Variants in THUMPD2 observed in about 807,000 individuals in gnomAD.
THUMPD2 encodes the protein THUMP domain 2 tRNA and snRNA guanosine methyltransferase.
A neutral mutation model predicts 49.4 loss-of-function variants in THUMPD2; 56 were observed. That is an observed-to-expected ratio of 1.13 (90% confidence interval 0.91 to 1.41). The LOEUF (loss-of-function observed/expected upper bound fraction) is 1.41, where lower values mean the gene tolerates loss of function less well. Ranked by LOEUF, THUMPD2 falls within the 40% of genes most tolerant of loss-of-function variation. THUMPD2 has a pLI of 0.00. For missense variants in THUMPD2, 709 were observed against 594.5 expected (o/e 1.19, Z -2.00); for synonymous variants, 237 against 205.2 (o/e 1.15, Z -1.32).
rs373613411 is a variant in THUMPD2, at chr2:39,737,032, T to C, written c.1215A>G (p.Val405=). ...ERVLHVGGTI[V]LLLSEDHHRR... ...TGTGGTGATCTTCACTAAGCAACAA[T>C]ACAATGGTTCCGCCAACATGAAGCA... is the stretch of plus-strand genomic sequence containing the variant. The change falls in exon 10 of 10, where the codon GTA becomes GTG. Residue 405 remains valine (V), a synonymous_variant. Transcript: ENST00000505747. 33 of 1,611,052 alleles carry C rather than the reference T, an allele frequency of 2.0e-5. No homozygotes were observed. Among genetic ancestry groups the C allele is most frequent in the Non-Finnish European group, 2.5e-5 (30 of 1,177,738 alleles).
intron 9 of THUMPD2, among the ~76,000 whole-genome samples, chr2:39,739,840 G>A (rs1471155065): frequency 6.6e-6 from 1 of 152,204 alleles, no homozygotes; most frequent in Admixed American, 6.5e-5. Context: ...ATGGGAAAAT[G>A]AGTACTCTTG....
rs754376544 is a variant in THUMPD2, at chr2:39,755,421, T to C, written c.964-12A>G. 1.4e-6 allele frequency: 2 copies of C among 1,475,386 alleles called. No individual in the cohort carries two copies. The highest frequency in any genetic ancestry group is 2.5e-5 in the South Asian group (2 of 79,436). 91.4% of individuals were successfully genotyped at this position (1,475,386 alleles called of 1,614,324 possible). Reference sequence around the variant, plus strand: ...ACATAATACACATCCTATGGGGAAATAAATATTTTAAGCATAAATAAAATT... The same window carrying C: ...ACATAATACACATCCTATGGGGAAACAAATATTTTAAGCATAAATAAAATT... On this transcript the variant is annotated splice_polypyrimidine_tract_variant and intron_variant, in intron 7 of 9. Transcript: ENST00000505747.
chr2:39,741,223 G>C (rs1673858749), intron 9 of THUMPD2, among the ~76,000 whole-genome samples: 1 of 152,096 alleles, frequency 6.6e-6, no homozygotes, highest in Non-Finnish European at 1.5e-5. Context: ...TGAAAAACTA[G>C]GAGTAGATGG....
chr2:39,769,751 A>C lies in THUMPD2; in HGVS notation c.631T>G (p.Cys211Gly). 1 of 1,588,116 alleles carries C rather than the reference A, an allele frequency of 6.3e-7. No homozygotes were observed. Among genetic ancestry groups the C allele is most frequent in the Non-Finnish European group, 8.5e-7 (1 of 1,171,826 alleles). ...NQNDLTFRVS[C>G]RCSGTIGKAF... ...TTTCCAATAGTTCCACTGCAGCGACAAGATACTCTGAAAGTCAAGTCATTC... is the reference window on the plus strand; with the variant it reads ...TTTCCAATAGTTCCACTGCAGCGACCAGATACTCTGAAAGTCAAGTCATTC... Residue 211 changes from cysteine (C) to glycine (G), a missense_variant, in exon 3 of 10, where the codon TGT becomes GGT. Cys to Gly is a radical substitution (Grantham distance 159). Coordinates refer to ENST00000505747, the MANE Select transcript of THUMPD2 (RefSeq NM_025264.5).
chr2:39,778,833 T>C (rs1392003866), intron 1 of THUMPD2, among the ~76,000 whole-genome samples: 1 of 152,220 alleles, frequency 6.6e-6, no homozygotes, highest in Non-Finnish European at 1.5e-5. Flanking sequence ...AGGCACTACT[T>C]ACTACTTTAA....
intron 8 of THUMPD2, among the ~76,000 whole-genome samples, chr2:39,750,385 T>C (rs1399951834): frequency 2.0e-5 from 3 of 152,214 alleles, no homozygotes; most frequent in African/African-American, 7.2e-5. Context: ...TAGTTGGCCA[T>C]ATGAATGTCT....
chr2:39,756,933 A>ATAATAG (rs1238082538), intron 6 of THUMPD2, among the ~76,000 whole-genome samples: 1 of 142,876 alleles, frequency 7.0e-6, no homozygotes, highest in Non-Finnish European at 1.5e-5. Flanking sequence ...AATAATAATA[A>ATAATAG]TAATAAATGG....
chr2:39,776,395 T>TC (rs1491334322), intron 1 of THUMPD2, among the ~76,000 whole-genome samples: 4 of 47,950 alleles, frequency 8.3e-5, no homozygotes, highest in Non-Finnish European at 2.0e-4. Context: ...CAGTATACTA[T>TC]TTTTTTTTTT....
At position 39,764,000 on chromosome 2, in the gene THUMPD2, T is replaced by A. The variant is rs573050635; in HGVS notation, c.803+2057A>T. Among the ~76,000 whole-genome samples, 10 of 152,380 alleles carry A rather than the reference T, an allele frequency of 6.6e-5. No homozygotes were observed. In the East Asian group the frequency reaches 1.9e-3, roughly 29 times the overall value. On this transcript the variant is annotated intron_variant, in intron 5 of 9. Coordinates refer to ENST00000505747, the MANE Select transcript of THUMPD2 (RefSeq NM_025264.5). ...CCTCCATGTAAATCAAGCTTCCTTA[T>A]ACCTTGTGCCTTTGCACAGAGATTC...
chr2:39,779,265 T>A, upstream of THUMPD2: 1 of 1,443,072 alleles, frequency 6.9e-7, no homozygotes, highest in East Asian at 3.3e-5. Flanking sequence ...CCCTCGCGCC[T>A]TCGGGTCACG....
chr2:39,778,394 A>T (rs1373905658), intron 1 of THUMPD2, among the ~76,000 whole-genome samples: 1 of 152,238 alleles, frequency 6.6e-6, no homozygotes, highest in African/African-American at 2.4e-5. Context: ...CCCACACTGT[A>T]GGAGCTGCCA....
chr2:39,752,741 A>C (rs976575945), intron 8 of THUMPD2, among the ~76,000 whole-genome samples: 1 of 152,200 alleles, frequency 6.6e-6, no homozygotes, highest in African/African-American at 2.4e-5. Context: ...AATATGAAAA[A>C]GTTTATCTCA....
intron 9 of THUMPD2, among the ~76,000 whole-genome samples, chr2:39,743,149 A>G (rs1265814190): frequency 6.6e-6 from 1 of 152,216 alleles, no homozygotes; most frequent in Non-Finnish European, 1.5e-5. Flanking sequence ...ATTTTTCTCC[A>G]TCTAAAACAC....
chr2:39,756,706 G>A (rs1458746608), intron 6 of THUMPD2, among the ~76,000 whole-genome samples: 2 of 152,070 alleles, frequency 1.3e-5, no homozygotes, highest in Non-Finnish European at 1.5e-5. Context: ...CCGATGCCAC[G>A]TGTAAATTCA....
chr2:39,778,478 C>T (rs1679407382), intron 1 of THUMPD2, among the ~76,000 whole-genome samples: 1 of 152,208 alleles, frequency 6.6e-6, no homozygotes, highest in Non-Finnish European at 1.5e-5. Context: ...CCCATACACC[C>T]CATCAAGATA....
intron 1 of THUMPD2, among the ~76,000 whole-genome samples, chr2:39,773,660 T>C (rs552098512): frequency 6.7e-6 from 1 of 148,440 alleles, no homozygotes; most frequent in South Asian, 2.1e-4. Flanking sequence ...CTGGGGCAAG[T>C]GGTTTCCAAA....
intron 4 of THUMPD2, 145 bp from the exon 5 acceptor site, chr2:39,766,254 T>C (rs1468063235): frequency 2.0e-6 from 1 of 500,058 alleles, no homozygotes; most frequent in African/African-American, 2.0e-5. Context: ...TAGAAAAATG[T>C]TCTATAATCT....
chr2:39,752,683 A>C (rs12712655), intron 8 of THUMPD2, among the ~76,000 whole-genome samples: 19,106 of 152,170 alleles, frequency 0.13, 1,528 homozygotes, highest in African/African-American at 0.22. Context: ...TTTCCTCCAG[A>C]AAGTTATCCT....
intron 5 of THUMPD2, 21 bp from the exon 6 acceptor site, chr2:39,761,439 T>TTATA (rs777614947): frequency 6.3e-7 from 1 of 1,599,520 alleles, no homozygotes; most frequent in African/African-American, 1.3e-5. Context: ...TAGAATCTGA[T>TTATA]TATATATTAT....
Sources: gnomAD v4.1 joint callset for allele counts (sites outside exome capture counted in the v4.1 genomes callset) on GRCh38, gnomAD v4.1.1 for gene constraint, MANE v1.5 for transcripts, NCBI Gene and HGNC (gene_info 2026-07-23, HGNC 2026-07-21) for gene names.